ARHGEF10: variants seen among roughly 807,000 people sequenced by gnomAD.
ARHGEF10 encodes Rho guanine nucleotide exchange factor 10.
A neutral mutation model predicts 147.4 loss-of-function variants in ARHGEF10; 140 were observed. The ratio of observed to expected loss-of-function variants is 0.95; its 90% CI spans 0.83 to 1.09. The LOEUF (loss-of-function observed/expected upper bound fraction) is 1.09. Among genes scored for constraint, ARHGEF10 ranks in the 50% least tolerant of loss-of-function variants. The probability of loss-of-function intolerance (pLI) is 0.00; values close to 1 mark genes in which losing one functional copy is unlikely to be tolerated. For synonymous variants in ARHGEF10, 902 were observed against 695.8 expected, an observed-to-expected ratio of 1.30 and a Z score of -4.67; for missense variants, 2,222 against 1,752.7, an observed-to-expected ratio of 1.27 and a Z score of -4.78.
At chr8:1,919,459 TG>T (rs1407236179) in intron 18 of ARHGEF10, among the ~76,000 whole-genome samples, 4 of 147,084 alleles carry the variant, frequency 2.7e-5, no homozygotes, top group Non-Finnish European at 4.5e-5. Context: ...AGCTGTTCCA[TG>T]GGTGATGGAG....
At chr8:1,889,911 T>G (rs576013865) in intron 11 of ARHGEF10, among the ~76,000 whole-genome samples, 1 of 125,502 alleles carries the variant, frequency 8.0e-6, no homozygotes, top group Admixed American at 7.5e-5. Flanking sequence ...GTGAACTTTG[T>G]TAGGAGGCAG....
intron 8 of ARHGEF10, among the ~76,000 whole-genome samples, chr8:1,877,099 A>G (rs1364439440): frequency 6.6e-6 from 1 of 152,266 alleles, no homozygotes; most frequent in Admixed American, 6.5e-5. Flanking sequence ...TCCCTAAGAC[A>G]CAGCACATCT....
Position 1,928,638 on chromosome 8 carries a change from C to G in ARHGEF10, c.2909C>G (p.Thr970Arg). Residue 970 changes from threonine (T) to arginine (R), a missense_variant, in exon 24 of 29, where the codon ACG becomes AGG. Physicochemically the swap from Thr to Arg is moderately conservative, Grantham distance 71 (BLOSUM62 -1). Transcript: ENST00000349830. Reference sequence around the variant, plus strand: ...GATGTCCCCACGATCTGTGTAGGGACGGAGGAGGGAAGGTAGGGCATGCTC... The same window carrying G: ...GATGTCCCCACGATCTGTGTAGGGAGGGAGGAGGGAAGGTAGGGCATGCTC... ...ASDVPTICVG[T>R]EEGSISIYKS... 1.2e-6 allele frequency: 2 copies of G among 1,613,924 alleles called. No individual in the cohort carries two copies. Among genetic ancestry groups the G allele is most frequent in the Non-Finnish European group, 1.7e-6 (2 of 1,179,988 alleles).
chr8:1,902,837 G>C (rs1372690971), intron 15 of ARHGEF10, among the ~76,000 whole-genome samples: 1 of 152,220 alleles, frequency 6.6e-6, no homozygotes, highest in Non-Finnish European at 1.5e-5. Flanking sequence ...TGCTGTGTGA[G>C]TTGACACCAT....
chr8:1,900,614 A>G (rs1206547535), intron 15 of ARHGEF10, among the ~76,000 whole-genome samples: 1 of 152,228 alleles, frequency 6.6e-6, no homozygotes, highest in Non-Finnish European at 1.5e-5. Flanking sequence ...TGCGCCGTTT[A>G]CAAATCTGTT....
At chr8:1,853,381 C>A (rs1013008194) in intron 2 of ARHGEF10, among the ~76,000 whole-genome samples, 1 of 152,268 alleles carries the variant, frequency 6.6e-6, no homozygotes, top group Non-Finnish European at 1.5e-5. Flanking sequence ...ATGACGGCTA[C>A]ACTGCAGATT....
Position 1,920,584 on chromosome 8 carries a change from T to G in ARHGEF10, c.2144-2380T>G, listed in dbSNP as rs1812210938. Among the ~76,000 whole-genome samples the G allele has an allele frequency of 2.0e-5, 3 of 152,182 alleles. No individual in the cohort carries two copies. In the South Asian group the frequency reaches 6.2e-4, roughly 32 times the overall value. On this transcript the variant is annotated intron_variant, in intron 18 of 28. Coordinates refer to ENST00000349830, the MANE Select transcript of ARHGEF10 (RefSeq NM_014629.4). ...CTTTAGCAGTCCTCTCACCTTGTGCTCCCAAAGTGCTGACATTATAGGCAT... is the reference window on the plus strand; with the variant it reads ...CTTTAGCAGTCCTCTCACCTTGTGCGCCCAAAGTGCTGACATTATAGGCAT...
chr8:1,882,910 C>G (rs1200558438), intron 10 of ARHGEF10, among the ~76,000 whole-genome samples, 161 bp downstream of exon 10: 2 of 152,336 alleles, frequency 1.3e-5, no homozygotes, highest in African/African-American at 4.8e-5. Context: ...CCTGCTGACC[C>G]CAGCCTCCCC....
chr8:1,861,045 C>G (rs1169206664), intron 4 of ARHGEF10, among the ~76,000 whole-genome samples: 9 of 152,208 alleles, frequency 5.9e-5, no homozygotes, highest in Non-Finnish European at 1.3e-4. Context: ...GGACGGTGTT[C>G]CCTGTAGCCA....
intron 18 of ARHGEF10, among the ~76,000 whole-genome samples, chr8:1,918,466 G>GTC (rs1352701540): frequency 9.5e-6 from 1 of 105,768 alleles, no homozygotes; most frequent in Non-Finnish European, 2.0e-5. Context: ...ATGGCTGTGT[G>GTC]TGTGTGTGTG....
At chr8:1,889,094 A>T (rs2129143019) in intron 11 of ARHGEF10, among the ~76,000 whole-genome samples, 1 of 79,546 alleles carries the variant, frequency 1.3e-5, no homozygotes, top group Non-Finnish European at 2.1e-5. Context: ...CCGTGAGGAG[A>T]CACTGAGTGG....
intron 16 of ARHGEF10, among the ~76,000 whole-genome samples, chr8:1,904,706 G>A (rs1304455511): frequency 6.6e-6 from 1 of 152,140 alleles, no homozygotes; most frequent in Non-Finnish European, 1.5e-5. Context: ...ACTTGGCAGG[G>A]ACATTCAGGG....
intron 15 of ARHGEF10, among the ~76,000 whole-genome samples, chr8:1,899,381 C>A (rs1393060170): frequency 6.6e-6 from 1 of 152,202 alleles, no homozygotes; most frequent in African/African-American, 2.4e-5. Context: ...CTAATTAAAT[C>A]AGAGGACTTT....
At chr8:1,868,175 G>A (rs1236434961) in intron 6 of ARHGEF10, among the ~76,000 whole-genome samples, 2 of 152,214 alleles carry the variant, frequency 1.3e-5, no homozygotes, top group East Asian at 1.9e-4. Flanking sequence ...AAGAAAGAGC[G>A]TCTGTAATAC....
intron 26 of ARHGEF10, among the ~76,000 whole-genome samples, chr8:1,934,909 C>T (rs1813451145): frequency 1.3e-5 from 2 of 151,982 alleles, no homozygotes; most frequent in African/African-American, 2.4e-5. Flanking sequence ...GAAAAAAATT[C>T]CTGTATATAT....
At chr8:1,871,877 A>G (rs1807159380) in intron 7 of ARHGEF10, among the ~76,000 whole-genome samples, 1 of 152,242 alleles carries the variant, frequency 6.6e-6, no homozygotes, top group South Asian at 2.1e-4. Flanking sequence ...CAGCTGCACG[A>G]AAGAGCAGCA....
At chr8:1,917,422 C>T (rs1430898195) in intron 18 of ARHGEF10, among the ~76,000 whole-genome samples, 1 of 152,176 alleles carries the variant, frequency 6.6e-6, no homozygotes. Flanking sequence ...GAGGGTGCCC[C>T]TTGAACCCAG....
chr8:1,836,098 G>C (rs528804308), intron 1 of ARHGEF10, among the ~76,000 whole-genome samples: 1 of 151,728 alleles, frequency 6.6e-6, no homozygotes, highest in Non-Finnish European at 1.5e-5. Flanking sequence ...GGAGAATGGC[G>C]TGAACCCGGG....
Position 1,885,615 on chromosome 8 carries a change from C to G in ARHGEF10, c.1090C>G (p.Leu364Val), listed in dbSNP as rs767997870. Reference sequence around the variant, plus strand: ...TTTTTTTTAAGATCACAGATCTTCTCTTGAGGAAGAACAGAATTTGTTCAT... The same window carrying G: ...TTTTTTTTAAGATCACAGATCTTCTGTTGAGGAAGAACAGAATTTGTTCAT... ...SLIAQDHRSS[L>V]EEEQNLFIDV... The change falls in exon 11 of 29, where the codon CTT (leucine) becomes GTT (valine). Residue 364 changes from leucine to valine, a missense_variant. By Grantham distance (32) the Leu-to-Val change is conservative. Coordinates refer to ENST00000349830, the MANE Select transcript of ARHGEF10 (RefSeq NM_014629.4). 4 of 1,613,056 alleles carry G rather than the reference C, an allele frequency of 2.5e-6. No individual in the cohort carries two copies. Among genetic ancestry groups the G allele is most frequent in the Admixed American group, 1.7e-5 (1 of 59,984 alleles).
Sources: gnomAD v4.1 joint callset for allele counts (sites outside exome capture counted in the v4.1 genomes callset) on GRCh38, gnomAD v4.1.1 for gene constraint, MANE v1.5 for transcripts, NCBI Gene and HGNC (gene_info 2026-07-23, HGNC 2026-07-21) for gene names.